The following ANTXR1 variants were observed in gnomAD, a reference collection of about 807,000 sequenced individuals.
ANTXR1 encodes ANTXR cell adhesion molecule 1.
A neutral mutation model predicts 78.1 loss-of-function variants in ANTXR1; 19 were observed. The ratio of observed to expected loss-of-function variants is 0.24; its 90% CI spans 0.17 to 0.36. The LOEUF (loss-of-function observed/expected upper bound fraction) is 0.36, where lower values mean the gene tolerates loss of function less well. Among genes scored for constraint, ANTXR1 ranks in the 10% least tolerant of loss-of-function variants. The probability of loss-of-function intolerance (pLI) is 1.00; values close to 1 mark genes in which losing one functional copy is unlikely to be tolerated. For missense variants in ANTXR1, 518 were observed against 718.6 expected, an observed-to-expected ratio of 0.72 and a Z score of 3.19; for synonymous variants, 273 against 260.5, an observed-to-expected ratio of 1.05 and a Z score of -0.46.
intron 11 of ANTXR1, among the ~76,000 whole-genome samples, chr2:69,123,922 C>A (rs978533569): frequency 6.6e-6 from 1 of 152,222 alleles, no homozygotes; most frequent in Non-Finnish European, 1.5e-5. Flanking sequence ...TGCCTTCAAT[C>A]GTGTGTTCAT....
At chr2:69,208,943 C>G (rs186448877) in intron 17 of ANTXR1, among the ~76,000 whole-genome samples, 1 of 152,278 alleles carries the variant, frequency 6.6e-6, no homozygotes, top group Non-Finnish European at 1.5e-5. Context: ...ATTCTCTTAA[C>G]CCAGGCTGGA....
At chr2:69,161,206 T>C (rs1053338972) in intron 13 of ANTXR1, among the ~76,000 whole-genome samples, 1 of 152,228 alleles carries the variant, frequency 6.6e-6, no homozygotes, top group African/African-American at 2.4e-5. Flanking sequence ...GCATACCATC[T>C]GATGGAGACC....
intron 16 of ANTXR1, 24 bp from the exon 17 acceptor site, chr2:69,193,311 C>T: frequency 6.2e-7 from 1 of 1,611,822 alleles, no homozygotes; most frequent in Non-Finnish European, 8.5e-7. Flanking sequence ...CATATGTAAT[C>T]TTGGTGCATT....
intron 1 of ANTXR1, among the ~76,000 whole-genome samples, chr2:69,016,185 A>G (rs1284865770): frequency 6.6e-6 from 1 of 152,218 alleles, no homozygotes; most frequent in Admixed American, 6.5e-5. Flanking sequence ...GCTACTAGCC[A>G]TATGTGACTC....
intron 1 of ANTXR1, among the ~76,000 whole-genome samples, chr2:69,024,999 C>G (rs1424929281): frequency 6.6e-6 from 1 of 152,140 alleles, no homozygotes; most frequent in Non-Finnish European, 1.5e-5. Context: ...CCTTATTGCT[C>G]AGGTCACTAT....
chr2:69,189,835 T>C (rs1674508184), intron 16 of ANTXR1, among the ~76,000 whole-genome samples: 1 of 152,158 alleles, frequency 6.6e-6, no homozygotes, highest in Admixed American at 6.5e-5. Context: ...GGAGCAGGTT[T>C]GGGGAGAAGA....
At position 69,096,252 on chromosome 2, in the gene ANTXR1, C is replaced by T. The variant is rs533563843; in HGVS notation, c.703+5333C>T. Among the ~76,000 whole-genome samples the T allele has an allele frequency of 4.1e-4, 53 of 129,260 alleles. 1 individual carries two copies. The highest frequency in any genetic ancestry group is 1.4e-3 in the African/African-American group (49 of 34,020). The allele number at this position is 129,260 out of a possible 152,430, so 84.8% of individuals were successfully genotyped here. ...CAGCCTGGGCAACAGAGCGAGACTC[C>T]GTCAAAAGGAAGGAAGGAAGGAAGG... On this transcript the variant is annotated intron_variant, in intron 9 of 17. Transcript: ENST00000303714.
intron 17 of ANTXR1, among the ~76,000 whole-genome samples, chr2:69,197,400 A>G (rs915780024): frequency 2.0e-5 from 3 of 152,136 alleles, no homozygotes; most frequent in African/African-American, 7.2e-5. Flanking sequence ...AAGCCTTTCC[A>G]TTTCATACGC....
In ANTXR1 at chr2:69,182,611, A is replaced by G; in HGVS notation, c.1304A>G (p.Asn435Ser). ...YEFPEPRNLN[N>S]NMRRPSSPRK... ...TTCCCTGAGCCGCGAAATCTCAACA[A>G]CAATATGCGTCGGCCTTCTTCCCCC... Residue 435 changes from asparagine (N) to serine (S), a missense_variant, in exon 16 of 18, where the codon AAC becomes AGC. Physicochemically the swap from Asn to Ser is conservative, Grantham distance 46. This residue lies in a region of ANTXR1 where 192 missense variants were observed against 230.2 expected (regional missense o/e 0.83). Transcript: ENST00000303714. 2 of 1,614,186 alleles carry G rather than the reference A, an allele frequency of 1.2e-6. No homozygotes were observed. Among genetic ancestry groups the G allele is most frequent in the South Asian group, 1.1e-5 (1 of 91,078 alleles).
At chr2:69,099,121 C>G (rs1451506473) in intron 9 of ANTXR1, among the ~76,000 whole-genome samples, 1 of 152,202 alleles carries the variant, frequency 6.6e-6, no homozygotes, top group Non-Finnish European at 1.5e-5. Context: ...CCCCATTTCT[C>G]CCTCCCTCCA....
intron 17 of ANTXR1, among the ~76,000 whole-genome samples, chr2:69,195,483 T>G (rs141832383): frequency 1.3e-5 from 2 of 152,322 alleles, no homozygotes; most frequent in Non-Finnish European, 2.9e-5. Flanking sequence ...TAGCTGTTCT[T>G]GCTGTGACTA....
intron 16 of ANTXR1, among the ~76,000 whole-genome samples, chr2:69,185,440 T>TGAGGCAGGAGAATCATTTG (rs1216685739): frequency 1.3e-5 from 2 of 151,456 alleles, no homozygotes; most frequent in Admixed American, 1.3e-4. Flanking sequence ...CTCAGGAGGC[T>TGAGGCAGGAGAATCATTTG]GAGGCAGGAG....
chr2:69,226,324 T>TA (rs1030365862), intron 17 of ANTXR1, among the ~76,000 whole-genome samples: 13 of 152,150 alleles, frequency 8.5e-5, no homozygotes, highest in African/African-American at 2.9e-4. Flanking sequence ...CCCTGGGATC[T>TA]AGCTCAGAGA....
rs78993100 is a variant in ANTXR1 at position 69,028,833 on chromosome 2, G to A, written c.153-11211G>A. On this transcript the variant is annotated intron_variant, in intron 1 of 17. Coordinates refer to ENST00000303714, the MANE Select transcript of ANTXR1 (RefSeq NM_032208.3). ...CATTAGAAATAATGACCACCACATT[G>A]AATATTGCAAAAAAGTAGATTCAGT... Among the ~76,000 whole-genome samples the A allele has an allele frequency of 9.7e-4, 148 of 152,170 alleles. 2 individuals are homozygous for A. The East Asian group carries it at 0.026, about 27-fold the overall frequency.
intron 1 of ANTXR1, among the ~76,000 whole-genome samples, chr2:69,034,371 C>T (rs1671615261): frequency 1.3e-5 from 2 of 152,134 alleles, no homozygotes; most frequent in Admixed American, 1.3e-4. Context: ...TCTTCAAGCA[C>T]AGAACTCTGT....
intron 10 of ANTXR1, among the ~76,000 whole-genome samples, chr2:69,106,051 A>G (rs1202058774): frequency 6.6e-6 from 1 of 152,284 alleles, no homozygotes; most frequent in Non-Finnish European, 1.5e-5. Context: ...ATATATCTTT[A>G]TGCTCTAAAG....
intron 16 of ANTXR1, among the ~76,000 whole-genome samples, chr2:69,184,274 A>G (rs906946715): frequency 3.9e-5 from 6 of 152,164 alleles, no homozygotes; most frequent in African/African-American, 9.7e-5. Flanking sequence ...ACGCATTTCT[A>G]TTTTGGTTTG....
At chr2:69,143,903 T>C (rs1673144660) in intron 12 of ANTXR1, among the ~76,000 whole-genome samples, 2 of 152,242 alleles carry the variant, frequency 1.3e-5, no homozygotes, top group South Asian at 4.1e-4. Context: ...TTCAAAAACA[T>C]GCAGGGCAGA....
intron 17 of ANTXR1, among the ~76,000 whole-genome samples, chr2:69,197,278 G>A (rs1033049106): frequency 6.6e-6 from 1 of 152,192 alleles, no homozygotes; most frequent in African/African-American, 2.4e-5. Flanking sequence ...GCTCCCAGTA[G>A]GTAGCCACCA....
Sources: allele counts gnomAD v4.1 joint callset (sites outside exome capture counted in the v4.1 genomes callset), GRCh38; gene constraint gnomAD v4.1.1; regional missense constraint gnomAD v4.1.1; transcripts MANE v1.5; gene names NCBI Gene and HGNC (gene_info 2026-07-23, HGNC 2026-07-21).